COLEC12: variants seen among roughly 807,000 people sequenced by gnomAD.
COLEC12 encodes the protein collectin-12.
In COLEC12, 33 loss-of-function variants were observed where a neutral mutation model predicts 71.1. That is an observed-to-expected ratio of 0.46 (90% CI 0.35 to 0.62). The LOEUF (loss-of-function observed/expected upper bound fraction) is 0.62, where lower values mean the gene tolerates loss of function less well. Among genes scored for constraint, COLEC12 ranks in the 20% least tolerant of loss-of-function variants. The pLI, the probability that COLEC12 is intolerant of heterozygous loss-of-function variation, is 0.00. For synonymous variants in COLEC12, 350 were observed against 353.0 expected (o/e 0.99, Z 0.10); for missense variants, 765 against 916.1 (o/e 0.84, Z 2.13).
intron 1 of COLEC12, among the ~76,000 whole-genome samples, chr18:489,243 GA>G (rs1917576842): frequency 6.6e-6 from 1 of 152,180 alleles, no homozygotes; most frequent in Non-Finnish European, 1.5e-5. Context: ...CAGTGCTTTC[GA>G]AATTCTAAGG....
chr18:335,093 G>A lies in COLEC12; in HGVS notation c.1465C>T (p.Pro489Ser), dbSNP rs188943034. The A allele has an allele frequency of 1.7e-4, 269 of 1,611,954 alleles. No homozygotes were observed. Among genetic ancestry groups the A allele is most frequent in the Middle Eastern group, 1.2e-3 (7 of 6,028 alleles). Reference protein sequence around the residue: ...GPAGERGPIGPAGPPGERGGK... With the variant: ...GPAGERGPIGSAGPPGERGGK... ...CCACGCTCTCCGGGGGGACCAGCTG[G>A]TCCAATTGGGCCTCTCTCACCCGCA... Residue 489 changes from proline (P) to serine (S), a missense_variant, in exon 6 of 10, where the codon CCA (proline) becomes TCA (serine). Pro to Ser is a moderately conservative substitution (Grantham distance 74, BLOSUM62 -1). Coordinates refer to ENST00000400256, the MANE Select transcript of COLEC12 (RefSeq NM_130386.3).
intron 1 of COLEC12, among the ~76,000 whole-genome samples, chr18:494,433 T>C (rs1356839941): frequency 7.5e-6 from 1 of 132,582 alleles, no homozygotes. Flanking sequence ...TAAACAACTA[T>C]TTAATCCTTA....
chr18:333,845 T>G (rs1914041968), intron 6 of COLEC12: 1 of 152,180 alleles, frequency 6.6e-6, no homozygotes, highest in African/African-American at 2.4e-5. Context: ...AAGGAAATGT[T>G]TTGCATTGTG....
chr18:368,782 C>G (rs532907187), intron 2 of COLEC12, among the ~76,000 whole-genome samples: 1 of 152,138 alleles, frequency 6.6e-6, no homozygotes, highest in East Asian at 1.9e-4. Flanking sequence ...AGGAGAATGG[C>G]GTGAACCCGG....
chr18:452,843 C>T (rs1196489808), intron 2 of COLEC12, among the ~76,000 whole-genome samples: 1 of 152,226 alleles, frequency 6.6e-6, no homozygotes, highest in Non-Finnish European at 1.5e-5. Context: ...GCCACAGGTG[C>T]TTCCAAGTGG....
intron 2 of COLEC12, among the ~76,000 whole-genome samples, chr18:389,859 C>G (rs1189273092): frequency 2.6e-5 from 4 of 152,152 alleles, no homozygotes; most frequent in African/African-American, 9.7e-5. Flanking sequence ...TGAGCCCAAC[C>G]AACAAACATT....
intron 8 of COLEC12, among the ~76,000 whole-genome samples, chr18:326,409 GCGATGT>G (rs1229668262): frequency 2.6e-5 from 4 of 152,194 alleles, no homozygotes; most frequent in African/African-American, 9.6e-5. Flanking sequence ...GTGCTGTGGT[GCGATGT>G]CAGCTCACTG....
intron 1 of COLEC12, among the ~76,000 whole-genome samples, chr18:485,628 G>T (rs1204618031): frequency 1.3e-5 from 2 of 152,228 alleles, no homozygotes; most frequent in African/African-American, 4.8e-5. Context: ...TGGGGCCAGA[G>T]ATTTTATGAC....
chr18:378,307 CAGA>C (rs1167935730), intron 2 of COLEC12, among the ~76,000 whole-genome samples: 5 of 152,132 alleles, frequency 3.3e-5, no homozygotes, highest in African/African-American at 9.7e-5. Context: ...GAGGGCACAT[CAGA>C]AGAAGTTGTG....
intron 9 of COLEC12, among the ~76,000 whole-genome samples, chr18:320,308 C>T (rs1168512155): frequency 6.6e-6 from 1 of 152,146 alleles, no homozygotes; most frequent in Non-Finnish European, 1.5e-5. Flanking sequence ...ACTCAAATCC[C>T]AAATGGCCAA....
intron 3 of COLEC12, among the ~76,000 whole-genome samples, chr18:348,375 T>C (rs959512579): frequency 7.2e-5 from 11 of 152,206 alleles, no homozygotes; most frequent in African/African-American, 2.4e-4. Context: ...TAGTTGAGAA[T>C]TGTATGTTCT....
chr18:392,639 G>A (rs1915486605), intron 2 of COLEC12, among the ~76,000 whole-genome samples: 1 of 152,184 alleles, frequency 6.6e-6, no homozygotes, highest in African/African-American at 2.4e-5. Flanking sequence ...CAGCTACTAA[G>A]GAAAAAGGGC....
chr18:395,894 C>T (rs1272201056), intron 2 of COLEC12, among the ~76,000 whole-genome samples: 1 of 152,140 alleles, frequency 6.6e-6, no homozygotes, highest in Non-Finnish European at 1.5e-5. Context: ...TCGCAGCGTG[C>T]GTCTGACTCA....
At chr18:483,314 T>C (rs750130456) in intron 1 of COLEC12, among the ~76,000 whole-genome samples, 1 of 151,778 alleles carries the variant, frequency 6.6e-6, no homozygotes, top group Non-Finnish European at 1.5e-5. Flanking sequence ...GCAGAATCAC[T>C]TGAATCCAGG....
At chr18:455,763 C>G (rs1219323726) in intron 2 of COLEC12, among the ~76,000 whole-genome samples, 1 of 151,976 alleles carries the variant, frequency 6.6e-6, no homozygotes, top group Non-Finnish European at 1.5e-5. Flanking sequence ...TTTTCTGTTC[C>G]TGTGTTAGTT....
At chr18:357,349 T>G (rs760905912) in intron 3 of COLEC12, 51 bp downstream of exon 3, 4 of 1,542,066 alleles carry the variant, frequency 2.6e-6, no homozygotes, top group Non-Finnish European at 3.5e-6. Flanking sequence ...CATGCTTAAA[T>G]TAATGAAGGA....
intron 2 of COLEC12, among the ~76,000 whole-genome samples, chr18:381,553 A>C (rs1315545577): frequency 6.6e-6 from 1 of 152,238 alleles, no homozygotes. Flanking sequence ...GTGGGAATAT[A>C]AGTTGTTATA....
At chr18:342,890 C>A (rs1011701723) in intron 5 of COLEC12, among the ~76,000 whole-genome samples, 1 of 152,194 alleles carries the variant, frequency 6.6e-6, no homozygotes. Flanking sequence ...ATCACATATG[C>A]TTTTCCATGA....
chr18:483,782 A>G (rs1265074969), intron 1 of COLEC12, among the ~76,000 whole-genome samples: 6 of 152,220 alleles, frequency 3.9e-5, no homozygotes, highest in African/African-American at 1.4e-4. Context: ...TCTCCATTTA[A>G]GAGAAACGCT....
Sources: gnomAD v4.1 joint callset for allele counts (sites outside exome capture counted in the v4.1 genomes callset) on GRCh38, gnomAD v4.1.1 for gene constraint, MANE v1.5 for transcripts, NCBI Gene and HGNC (gene_info 2026-07-23, HGNC 2026-07-21) for gene names.